The following ANKMY1 variants were observed in gnomAD, a reference collection of about 807,000 sequenced individuals.
ANKMY1 encodes ankyrin repeat and MYND domain-containing protein 1.
A neutral mutation model predicts 102.0 loss-of-function variants in ANKMY1; 98 were observed. The ratio of observed to expected loss-of-function variants is 0.96; its 90% CI spans 0.82 to 1.14. ANKMY1 has a LOEUF of 1.14. Ranked by LOEUF, ANKMY1 falls within the 50% of genes most tolerant of loss-of-function variation. ANKMY1 has a pLI of 0.00. For synonymous variants in ANKMY1, 582 were observed against 559.9 expected, an observed-to-expected ratio of 1.04 and a Z score of -0.56; for missense variants, 1,330 against 1,347.6, an observed-to-expected ratio of 0.99 and a Z score of 0.20.
rs1203830426 is a variant in ANKMY1 at position 240,520,115 on chromosome 2, A to G, written c.2004+247T>C. On this transcript the variant is annotated intron_variant, in intron 9 of 17. Coordinates refer to ENST00000401804, the MANE Select transcript of ANKMY1 (RefSeq NM_001282771.3). The surrounding 1 kb of genome is among the most constrained non-coding windows in gnomAD (Gnocchi z 4.8). ...CCCCTTAGTTTGCTTCAACACTGGGAAAAAAATCACACGGATCGTGAAGTA... is the reference window on the plus strand; with the variant it reads ...CCCCTTAGTTTGCTTCAACACTGGGGAAAAAATCACACGGATCGTGAAGTA... 4.2e-6 allele frequency: 3 copies of G among 711,844 alleles called. No homozygotes were observed. Among genetic ancestry groups the G allele is most frequent in the African/African-American group, 3.5e-5 (2 of 57,014 alleles). 44.1% of individuals were successfully genotyped at this position (711,844 alleles called of 1,614,324 possible). A position where few individuals can be genotyped will look rare whatever the true frequency, so the allele number is the denominator to read the frequency against.
chr2:240,489,244 A>C (rs1474124699), intron 15 of ANKMY1, among the ~76,000 whole-genome samples: 1 of 152,124 alleles, frequency 6.6e-6, no homozygotes, highest in African/African-American at 2.4e-5. Context: ...ACCTGAGGTC[A>C]GGAGTTCGAG....
chr2:240,519,830 T>A, intron 9 of ANKMY1: 1 of 242,760 alleles, frequency 4.1e-6, no homozygotes, highest in Non-Finnish European at 8.6e-6. Flanking sequence ...CGGGTGGGTG[T>A]GGCCTCAGAG....
At chr2:240,472,168 C>G in the ANKMY1 span, among the ~76,000 whole-genome samples, 5 of 152,212 alleles carry the variant, frequency 3.3e-5, no homozygotes. Context: ...AGCGGTCCTG[C>G]CCACCCAGGG....
chr2:240,515,059 C>T (rs779473174), intron 9 of ANKMY1, among the ~76,000 whole-genome samples: 8 of 152,224 alleles, frequency 5.3e-5, no homozygotes, highest in Non-Finnish European at 1.2e-4. Flanking sequence ...TCCCTCTAGG[C>T]CCAGAGACTA....
At chr2:240,555,140 C>T in intron 2 of ANKMY1, 85 bp from the exon 3 acceptor site, 1 of 1,413,558 alleles carries the variant, frequency 7.1e-7, no homozygotes, top group Non-Finnish European at 9.8e-7. Context: ...CGAGCACAAC[C>T]CAGCATCTCA....
chr2:240,532,519 A>C (rs898959127), intron 4 of ANKMY1, among the ~76,000 whole-genome samples: 10 of 152,228 alleles, frequency 6.6e-5, no homozygotes, highest in Non-Finnish European at 1.3e-4. Context: ...CCAGAAACAC[A>C]AGAAGGAGTA....
rs1438188080 is a variant in ANKMY1, at chr2:240,524,128, C to T, written c.1589G>A (p.Ser530Asn). The change falls in exon 8 of 18, where the codon AGC (serine) becomes AAC (asparagine). Residue 530 changes from serine to asparagine, a missense_variant. Coordinates refer to ENST00000401804, the MANE Select transcript of ANKMY1 (RefSeq NM_001282771.3). ...LKGDSPLVKG[S>N]LGHVESGLED... Reference sequence around the variant, plus strand: ...AAGCCCGCTTTCCACATGGCCAAGGCTGCCCTTCACCAACGGGGAGTCCCC... The same window carrying T: ...AAGCCCGCTTTCCACATGGCCAAGGTTGCCCTTCACCAACGGGGAGTCCCC... The T allele has an allele frequency of 5.0e-6, 8 of 1,613,938 alleles. No individual in the cohort carries two copies. Among genetic ancestry groups the T allele is most frequent in the South Asian group, 1.1e-5 (1 of 91,094 alleles).
chr2:240,542,632 T>C (rs968813969), intron 4 of ANKMY1, among the ~76,000 whole-genome samples: 2 of 152,116 alleles, frequency 1.3e-5, no homozygotes, highest in South Asian at 2.1e-4. Context: ...ACTGGTGAGT[T>C]TGTATTGCTA....
Position 240,529,132 on chromosome 2 carries a change from A to ATT in ANKMY1, c.856_857dup (p.Asn286LysfsTer16). The ATT allele has an allele frequency of 6.2e-7, 1 of 1,614,178 alleles. No homozygotes were observed. The highest frequency in any genetic ancestry group is 8.5e-7 in the Non-Finnish European group (1 of 1,180,030). ...CATCCTCAACGAACGGAGGAATTTC[A>ATT]TTGAGGAAGATGCGGGCGTCCAGCT... On this transcript the variant is annotated frameshift_variant, in exon 5 of 18. Transcript: ENST00000401804. LOFTEE classifies it high-confidence loss of function. This position sits in a 1 kb window ranked among gnomAD's most constrained non-coding sequence, Gnocchi z 4.2.
Position 240,507,691 on chromosome 2 carries a change from C to T in ANKMY1, c.2395G>A (p.Val799Ile), listed in dbSNP as rs779037689. ...CCCTGGGTCAGGAGCTCCTTCACAA[C>T]CTGAACATACACAGACAGTCTCATC... ...SLSIASGNEL[V>I]VKELLTQGAD... The change falls in exon 13 of 18, where the codon GTT becomes ATT. Residue 799 changes from valine (V) to isoleucine (I), a missense_variant and splice_region_variant. Transcript: ENST00000401804. 26 of 1,604,200 alleles carry T rather than the reference C, an allele frequency of 1.6e-5. No homozygotes were observed. Among genetic ancestry groups the T allele is most frequent in the Non-Finnish European group, 2.0e-5 (23 of 1,174,996 alleles).
intron 4 of ANKMY1, among the ~76,000 whole-genome samples, chr2:240,535,416 A>G (rs1012497550): frequency 6.6e-6 from 1 of 152,128 alleles, no homozygotes; most frequent in Non-Finnish European, 1.5e-5. Flanking sequence ...TCAGAGAGAG[A>G]GCAGGTTGTA....
chr2:240,526,132 C>A, intron 6 of ANKMY1, 97 bp downstream of exon 6: 3 of 1,435,304 alleles, frequency 2.1e-6, no homozygotes, highest in South Asian at 1.2e-5. Context: ...TGTACCTCAG[C>A]TCTGCTCCTG....
chr2:240,556,302 T>C (rs1377819791), intron 2 of ANKMY1, among the ~76,000 whole-genome samples: 2 of 152,186 alleles, frequency 1.3e-5, no homozygotes, highest in Non-Finnish European at 2.9e-5. Flanking sequence ...AGCCTCCTAA[T>C]TGCCATCATG....
chr2:240,516,150 GTTT>G (rs386393036), intron 9 of ANKMY1, among the ~76,000 whole-genome samples: 6 of 145,226 alleles, frequency 4.1e-5, no homozygotes, highest in Admixed American at 1.4e-4. Flanking sequence ...TTTTTGTGGG[GTTT>G]TTTTTTTTTT....
At chr2:240,559,992 A>C (rs1293508776), upstream of ANKMY1, 1 of 152,416 alleles carries the variant, frequency 6.6e-6, no homozygotes. Context: ...AGTGATATTA[A>C]ATTTTTTAAA....
intron 5 of ANKMY1, among the ~76,000 whole-genome samples, chr2:240,528,281 G>A (rs1242631833): frequency 6.9e-6 from 1 of 144,932 alleles, no homozygotes; most frequent in Non-Finnish European, 1.5e-5. Flanking sequence ...GTGAGACTCT[G>A]TGCCTGCCCC....
chr2:240,480,948 A>G lies in ANKMY1; in HGVS notation c.3035T>C (p.Leu1012Pro). 6.2e-7 allele frequency: 1 copy of G among 1,607,732 alleles called. No individual in the cohort carries two copies. The highest frequency in any genetic ancestry group is 8.5e-7 in the Non-Finnish European group (1 of 1,174,824). The change falls in exon 17 of 18, where the codon CTG (leucine) becomes CCG (proline). Residue 1012 changes from leucine to proline, a missense_variant. Physicochemically the swap from Leu to Pro is moderately conservative, Grantham distance 98. Coordinates refer to ENST00000401804, the MANE Select transcript of ANKMY1 (RefSeq NM_001282771.3). The part of the protein sequence containing the change: ...TEFHKKDCGD[L>P]VAIVTQLEQV... Reference sequence around the variant, plus strand: ...GAGGGCCGACCTACCGATGGCCACCAGGTCCCCGCAGTCCTTCTTGTGGAA... The same window carrying G: ...GAGGGCCGACCTACCGATGGCCACCGGGTCCCCGCAGTCCTTCTTGTGGAA...
downstream of ANKMY1, among the ~76,000 whole-genome samples, chr2:240,478,950 G>A (rs1445026535): frequency 6.6e-6 from 1 of 152,022 alleles, no homozygotes; most frequent in Admixed American, 6.5e-5. Flanking sequence ...CCCTCACTGC[G>A]CATCTTCCCC....
chr2:240,560,514 C>T, upstream of ANKMY1: 2 of 1,058,564 alleles, frequency 1.9e-6, no homozygotes, highest in Non-Finnish European at 2.5e-6. Flanking sequence ...CCCCCTGTCC[C>T]GGCCCAGCGC....
Sources: allele counts gnomAD v4.1 joint callset (sites outside exome capture counted in the v4.1 genomes callset), GRCh38; gene constraint gnomAD v4.1.1; non-coding constraint Gnocchi (gnomAD v3.1); transcripts MANE v1.5; gene names NCBI Gene and HGNC (gene_info 2026-07-23, HGNC 2026-07-21).